Variants in FOXP2 observed in about 807,000 individuals in gnomAD.
FOXP2 encodes forkhead box P2, also known as forkhead box protein P2.
FOXP2 carries 12 observed loss-of-function variants against 115.8 expected under a neutral mutation model. The observed-to-expected ratio is 0.10, with a 90% CI of 0.07 to 0.17. FOXP2 has a LOEUF of 0.17. Among genes scored for constraint, FOXP2 ranks in the 10% least tolerant of loss-of-function variants. FOXP2 has a pLI of 1.00. For synonymous variants in FOXP2, 328 were observed against 297.7 expected (o/e 1.10, Z -1.05); for missense variants, 629 against 843.5 (o/e 0.75, Z 3.15).
chr7:114,206,767 C>A (rs547363810), intron 1 of FOXP2, among the ~76,000 whole-genome samples: 5 of 152,264 alleles, frequency 3.3e-5, no homozygotes, highest in African/African-American at 1.2e-4. Flanking sequence ...TCTTACATGA[C>A]CTACCTGTTT....
At position 114,211,743 on chromosome 7, in the gene FOXP2, G is replaced by A. The variant is rs182384632; in HGVS notation, c.-102+48655G>A. On this transcript the variant is annotated intron_variant, in intron 1 of 17. Transcript: ENST00000634411. The stretch of plus-strand genomic sequence containing the variant: ...CTGTCCGGGAGTCATGTGTACCTAA[G>A]AGAGGAAGAACTGGACCCATTTCTT... Among the ~76,000 whole-genome samples, 32 of 152,272 alleles carry A rather than the reference G, an allele frequency of 2.1e-4. 1 individual carries two copies. Among genetic ancestry groups the A allele is most frequent in the Admixed American group, 1.9e-3 (29 of 15,294 alleles).
intron 3 of FOXP2, among the ~76,000 whole-genome samples, chr7:114,543,781 C>T (rs1446358496): frequency 6.6e-6 from 1 of 152,150 alleles, no homozygotes; most frequent in African/African-American, 2.4e-5. Context: ...AAATCCATAA[C>T]ATCTGTGAAT....
At chr7:114,678,426 T>C (rs1018801928) in intron 16 of FOXP2, among the ~76,000 whole-genome samples, 11 of 152,108 alleles carry the variant, frequency 7.2e-5, no homozygotes, top group Non-Finnish European at 1.3e-4. Context: ...TGTAGGGACA[T>C]GTCTTAAAGT....
At chr7:114,481,452 C>T (rs917753550) in intron 2 of FOXP2, among the ~76,000 whole-genome samples, 1 of 151,218 alleles carries the variant, frequency 6.6e-6, no homozygotes, top group Non-Finnish European at 1.5e-5. Flanking sequence ...TTCCGAATTA[C>T]AGTGACAAAC....
intron 1 of FOXP2, among the ~76,000 whole-genome samples, chr7:114,273,178 T>G (rs1394458795): frequency 6.6e-6 from 1 of 152,044 alleles, no homozygotes; most frequent in East Asian, 1.9e-4. Context: ...TAAATTTCTC[T>G]TGAGGTTTCT....
intron 1 of FOXP2, among the ~76,000 whole-genome samples, chr7:114,155,676 C>A (rs1792646601): frequency 6.6e-6 from 1 of 152,066 alleles, no homozygotes; most frequent in Admixed American, 6.6e-5. Context: ...CTGTATGGGT[C>A]TGCAACAACC....
At chr7:114,091,072 T>A (rs544561468) in intron 1 of FOXP2, among the ~76,000 whole-genome samples, 2 of 151,924 alleles carry the variant, frequency 1.3e-5, no homozygotes, top group East Asian at 1.9e-4. Context: ...TATTGTTTTC[T>A]TGCAGATATT....
In FOXP2 at chr7:114,332,113, C is replaced by CGT. The variant is rs1491576067; in HGVS notation, c.-11+44020_-11+44021dup. Among the ~76,000 whole-genome samples, 34 of 151,130 alleles carry CGT rather than the reference C, an allele frequency of 2.2e-4. 1 individual carries two copies. The highest frequency in any genetic ancestry group is 5.8e-4 in the East Asian group (3 of 5,152). On this transcript the variant is annotated intron_variant, in intron 2 of 17. Coordinates refer to the FOXP2 transcript ENST00000634411. ...GTACCTCTGTGTGTGGGCATATGAACGTGTGTGTGTGTGTGTGCGTGTGTG... is the reference window on the plus strand; with the variant it reads ...GTACCTCTGTGTGTGGGCATATGAACGTGTGTGTGTGTGTGTGTGCGTGTGTG...
intron 7 of FOXP2, among the ~76,000 whole-genome samples, chr7:114,643,548 T>C (rs1805700448): frequency 6.6e-6 from 1 of 152,188 alleles, no homozygotes; most frequent in Non-Finnish European, 1.5e-5. Context: ...ATATTAAATG[T>C]GTTATGTTAG....
At chr7:114,577,495 A>T (rs1283815066) in intron 3 of FOXP2, among the ~76,000 whole-genome samples, 1 of 152,024 alleles carries the variant, frequency 6.6e-6, no homozygotes, top group East Asian at 1.9e-4. Context: ...TAATCAGATA[A>T]AGTCTTATAC....
At chr7:114,652,430 T>C (rs538660101) in intron 9 of FOXP2, 140 bp downstream of exon 9, 1 of 761,744 alleles carries the variant, frequency 1.3e-6, no homozygotes, top group East Asian at 2.8e-5. Context: ...ATATTTTAGA[T>C]TGTTTTAAAC....
chr7:114,371,460 A>G (rs563095268), intron 2 of FOXP2, among the ~76,000 whole-genome samples: 19 of 152,224 alleles, frequency 1.2e-4, no homozygotes, highest in African/African-American at 4.1e-4. Context: ...TACAATAAAT[A>G]TAGAATAAAA....
intron 3 of FOXP2, among the ~76,000 whole-genome samples, chr7:114,548,307 TAC>T (rs1800033617): frequency 6.6e-6 from 1 of 152,206 alleles, no homozygotes; most frequent in African/African-American, 2.4e-5. Flanking sequence ...ATCATATGAA[TAC>T]CCATCACTTC....
intron 3 of FOXP2, among the ~76,000 whole-genome samples, chr7:114,610,616 C>A (rs1159795034): frequency 6.6e-6 from 1 of 151,936 alleles, no homozygotes. Context: ...CCTTATTGAA[C>A]ACCAGGTTCA....
chr7:114,482,377 T>C (rs902512157), intron 2 of FOXP2, among the ~76,000 whole-genome samples: 1 of 151,582 alleles, frequency 6.6e-6, no homozygotes. Flanking sequence ...AAGATAGCAG[T>C]TTGCTCAATT....
chr7:114,645,450 A>G (rs1431246739), intron 8 of FOXP2: 3 of 151,894 alleles, frequency 2.0e-5, no homozygotes, highest in African/African-American at 4.8e-5. Flanking sequence ...TTAATAGAAA[A>G]TTTTATTTTT....
At chr7:114,345,078 AT>A (rs941514001) in intron 2 of FOXP2, among the ~76,000 whole-genome samples, 15 of 151,908 alleles carry the variant, frequency 9.9e-5, no homozygotes, top group East Asian at 7.7e-4. Context: ...ATATAAAACA[AT>A]TTTTTTATTT....
chr7:114,552,667 A>G (rs1270664112), intron 3 of FOXP2, among the ~76,000 whole-genome samples: 2 of 152,206 alleles, frequency 1.3e-5, no homozygotes, highest in African/African-American at 4.8e-5. Flanking sequence ...GTTGTTGGAT[A>G]TAATACAATG....
intron 1 of FOXP2, among the ~76,000 whole-genome samples, chr7:114,188,896 T>G (rs1584533546): frequency 6.6e-6 from 1 of 152,180 alleles, no homozygotes; most frequent in Non-Finnish European, 1.5e-5. Flanking sequence ...AACTCATTTG[T>G]TTATTAATAA....
Sources: gnomAD v4.1 joint callset for allele counts (sites outside exome capture counted in the v4.1 genomes callset) on GRCh38, gnomAD v4.1.1 for gene constraint, MANE v1.5 for transcripts, NCBI Gene and HGNC (gene_info 2026-07-23, HGNC 2026-07-21) for gene names.